EPS15: variants seen among roughly 807,000 people sequenced by gnomAD.
EPS15 encodes epidermal growth factor receptor pathway substrate 15.
EPS15 carries 72 observed loss-of-function variants against 113.8 expected under a neutral mutation model. The observed-to-expected ratio is 0.63, with a 90% CI of 0.52 to 0.77. The LOEUF (loss-of-function observed/expected upper bound fraction) is 0.77, where lower values mean the gene tolerates loss of function less well. EPS15 is among the 30% of genes least tolerant of loss of function. EPS15 has a pLI of 0.00. For missense variants in EPS15, 1,048 were observed against 1,045.8 expected (o/e 1.00, Z -0.03); for synonymous variants, 344 against 363.4 (o/e 0.95, Z 0.61).
intron 12 of EPS15, among the ~76,000 whole-genome samples, chr1:51,427,717 C>T (rs1279093157): frequency 6.6e-6 from 1 of 152,250 alleles, no homozygotes; most frequent in East Asian, 1.9e-4. Context: ...AGGTGAGAGA[C>T]TTCAGCTAAG....
At chr1:51,360,445 T>C (rs1646356570) in intron 24 of EPS15, among the ~76,000 whole-genome samples, 1 of 152,204 alleles carries the variant, frequency 6.6e-6, no homozygotes, top group Non-Finnish European at 1.5e-5. Context: ...GGTTGCCCCA[T>C]TTCTGTGATT....
intron 13 of EPS15, among the ~76,000 whole-genome samples, chr1:51,410,276 A>C (rs1249903052): frequency 6.6e-6 from 1 of 151,706 alleles, no homozygotes; most frequent in African/African-American, 2.4e-5. Context: ...CTGTGGTCCC[A>C]GTTACTTGGG....
intron 8 of EPS15, among the ~76,000 whole-genome samples, chr1:51,456,379 C>A (rs1158212978): frequency 6.6e-6 from 1 of 151,854 alleles, no homozygotes; most frequent in Non-Finnish European, 1.5e-5. Flanking sequence ...AACAAACAAA[C>A]AAAAAGCATT....
intron 12 of EPS15, among the ~76,000 whole-genome samples, chr1:51,424,405 TTA>T (rs1176865641): frequency 6.6e-6 from 1 of 152,216 alleles, no homozygotes; most frequent in Non-Finnish European, 1.5e-5. Context: ...ACCATATTTC[TTA>T]TATTCTCCCT....
intron 21 of EPS15, 60 bp from the exon 22 acceptor site, chr1:51,366,089 C>A: frequency 6.9e-6 from 8 of 1,155,054 alleles, no homozygotes; most frequent in Non-Finnish European, 1.3e-6. Context: ...TTTTTTGAGA[C>A]AGAGTCTCAC....
Position 51,451,363 on chromosome 1 carries a change from T to C in EPS15, c.562-3228A>G, listed in dbSNP as rs1469209221. ...AAAATTAGCCAGGCGTGGTGGCGCA[T>C]GCCTGTAATCCCAGCTACTTGGGAG... On this transcript the variant is annotated intron_variant, in intron 8 of 24. Transcript: ENST00000371733. 3.3e-5 allele frequency among the ~76,000 whole-genome samples: 5 copies of C among 151,030 alleles called. 1 individual carries two copies. Among genetic ancestry groups the C allele is most frequent in the African/African-American group, 1.2e-4 (5 of 40,790 alleles).
At chr1:51,418,251 G>C (rs1474992605) in intron 13 of EPS15, among the ~76,000 whole-genome samples, 1 of 152,064 alleles carries the variant, frequency 6.6e-6, no homozygotes, top group African/African-American at 2.4e-5. Context: ...GGGTTATGGA[G>C]AAGGAAAGAA....
Position 51,400,981 on chromosome 1 carries a change from C to G in EPS15, c.1883-28G>C, listed in dbSNP as rs572250535. The G allele has an allele frequency of 4.3e-5, 65 of 1,515,458 alleles. No individual in the cohort carries two copies. The South Asian group carries it at 7.6e-4, about 18-fold the overall frequency. 93.9% of individuals were successfully genotyped at this position (1,515,458 alleles called of 1,614,324 possible). On this transcript the variant is annotated intron_variant, in intron 18 of 24. Coordinates refer to ENST00000371733, the MANE Select transcript of EPS15 (RefSeq NM_001981.3). ...GTGATAAAATAAACACAAAGAAATC[C>G]AAATAACAATATTTACTGTGGTGAC...
intron 1 of EPS15, among the ~76,000 whole-genome samples, chr1:51,482,245 G>A (rs909681067): frequency 6.6e-6 from 1 of 152,074 alleles, no homozygotes; most frequent in South Asian, 2.1e-4. Flanking sequence ...GATCAGGATG[G>A]GAATCCAGGA....
intron 1 of EPS15, among the ~76,000 whole-genome samples, chr1:51,510,827 C>T (rs1391197379): frequency 6.6e-6 from 1 of 152,042 alleles, no homozygotes; most frequent in Non-Finnish European, 1.5e-5. Context: ...CCCCTGTCCT[C>T]ACCCCTAGAA....
chr1:51,512,301 A>C (rs950942302), intron 1 of EPS15, among the ~76,000 whole-genome samples: 2 of 152,228 alleles, frequency 1.3e-5, no homozygotes, highest in Non-Finnish European at 2.9e-5. Flanking sequence ...AGTGCACTTA[A>C]GAGGTTAAGT....
At chr1:51,384,872 G>T (rs1198957298) in intron 21 of EPS15, among the ~76,000 whole-genome samples, 1 of 152,166 alleles carries the variant, frequency 6.6e-6, no homozygotes, top group Non-Finnish European at 1.5e-5. Flanking sequence ...AAGAAAAGAT[G>T]ATGGGAAAAC....
chr1:51,376,987 C>T (rs572174664), intron 21 of EPS15, among the ~76,000 whole-genome samples: 20 of 152,018 alleles, frequency 1.3e-4, no homozygotes, highest in Admixed American at 7.9e-4. Flanking sequence ...TGACTCAGGC[C>T]GGGTGTAGTG....
At position 51,498,295 on chromosome 1, in the gene EPS15, T is replaced by C. The variant is rs576044483; in HGVS notation, c.34-16981A>G. Among the ~76,000 whole-genome samples, 6 of 152,298 alleles carry C rather than the reference T, an allele frequency of 3.9e-5. No homozygotes were observed. In the South Asian group the frequency reaches 1.2e-3, roughly 32 times the overall value. On this transcript the variant is annotated intron_variant, in intron 1 of 24. Transcript: ENST00000371733. ...ATATGATCTTAGGTACGGTGCTCAGTGGTATCAATGTTGTATAACCATCAC... is the reference window on the plus strand; with the variant it reads ...ATATGATCTTAGGTACGGTGCTCAGCGGTATCAATGTTGTATAACCATCAC...
intron 12 of EPS15, among the ~76,000 whole-genome samples, chr1:51,433,292 G>A (rs1359394593): frequency 6.6e-6 from 1 of 152,142 alleles, no homozygotes; most frequent in Non-Finnish European, 1.5e-5. Flanking sequence ...CTCGGTGTTG[G>A]GGATGATGAT....
At chr1:51,372,464 CTG>C in intron 21 of EPS15, 1 of 533,816 alleles carries the variant, frequency 1.9e-6, no homozygotes, top group South Asian at 1.4e-5. Flanking sequence ...ATCATTCTGT[CTG>C]GTTTTTAGAC....
At chr1:51,508,236 AAGAAAGAG>A (rs1287228947) in intron 1 of EPS15, among the ~76,000 whole-genome samples, 2 of 92,586 alleles carry the variant, frequency 2.2e-5, no homozygotes, top group East Asian at 2.3e-4. Context: ...AAGAAAAGAA[AAGAAAGAG>A]AGAAAGAGAG....
At chr1:51,514,893 G>T (rs988798383) in intron 1 of EPS15, among the ~76,000 whole-genome samples, 3 of 152,176 alleles carry the variant, frequency 2.0e-5, no homozygotes, top group African/African-American at 7.2e-5. Context: ...CATCATTAAT[G>T]TGCCTTTCCC....
At chr1:51,398,573 T>C (rs1648202625) in intron 20 of EPS15, among the ~76,000 whole-genome samples, 2 of 152,226 alleles carry the variant, frequency 1.3e-5, no homozygotes, top group Admixed American at 6.5e-5. Context: ...GGTATGTACA[T>C]TCTCAAGAGA....
Sources: allele counts gnomAD v4.1 joint callset (sites outside exome capture counted in the v4.1 genomes callset), GRCh38; gene constraint gnomAD v4.1.1; transcripts MANE v1.5; gene names NCBI Gene and HGNC (gene_info 2026-07-23, HGNC 2026-07-21).